The following ART4 variants were observed in gnomAD, a reference collection of about 807,000 sequenced individuals.
ART4 encodes ecto-ADP-ribosyltransferase 4.
Under a neutral mutation model 24.2 loss-of-function variants are expected in ART4, and 14 were observed. The ratio of observed to expected loss-of-function variants is 0.58; its 90% CI spans 0.38 to 0.90. The LOEUF (loss-of-function observed/expected upper bound fraction) is 0.90, where lower values mean the gene tolerates loss of function less well. Among genes scored for constraint, ART4 ranks in the 40% least tolerant of loss-of-function variants. The pLI is 0.00. For synonymous variants in ART4, 145 were observed against 139.9 expected, an observed-to-expected ratio of 1.04 and a Z score of -0.26; for missense variants, 356 against 366.6, an observed-to-expected ratio of 0.97 and a Z score of 0.24.
At position 14,826,484 on chromosome 12, in the gene ART4, G is replaced by A. The variant is rs1184999060; in HGVS notation, c.*2887C>T. ...TTCAATTTCTGTAGTCTGTAGTCTG[G>A]GATCAGGCCCTAAAATTCACATTTC... is the stretch of plus-strand genomic sequence containing the variant. On this transcript the variant is annotated 3_prime_UTR_variant, in exon 3 of 3. Transcript: ENST00000228936. 1 of 152,150 alleles carries A rather than the reference G, an allele frequency of 6.6e-6. No homozygotes were observed. Among genetic ancestry groups the A allele is most frequent in the African/African-American group, 2.4e-5 (1 of 41,412 alleles). The allele number at this position is 152,150 out of a possible 1,614,324, so 9.4% of individuals were successfully genotyped here.
intron 2 of ART4, among the ~76,000 whole-genome samples, chr12:14,837,100 C>T (rs1014904352): frequency 6.6e-6 from 1 of 152,098 alleles, no homozygotes; most frequent in Admixed American, 6.6e-5. Flanking sequence ...ATCCCCCAAA[C>T]AACGGGATGA....
Position 14,826,303 on chromosome 12 carries a change from A to G in ART4, c.*3068T>C, listed in dbSNP as rs559162422. On this transcript the variant is annotated 3_prime_UTR_variant, in exon 3 of 3. Transcript: ENST00000228936. ...TTTTAAGAGAATAGTTTCTGTCTCC[A>G]GAGATTTGATCTGTAAAACAGCAGC... is the stretch of plus-strand genomic sequence containing the variant. 1 of 152,318 alleles carries G rather than the reference A, an allele frequency of 6.6e-6. No homozygotes were observed. Among genetic ancestry groups the G allele is most frequent in the East Asian group, 1.9e-4 (1 of 5,178 alleles). The allele number at this position is 152,318 out of a possible 1,614,324, so 9.4% of individuals were successfully genotyped here.
chr12:14,836,265 C>T (rs900632476), intron 2 of ART4, among the ~76,000 whole-genome samples: 4 of 152,014 alleles, frequency 2.6e-5, no homozygotes, highest in East Asian at 1.9e-4. Context: ...TCAAAGGAGG[C>T]GCTTTCTCTT....
At position 14,830,649 on chromosome 12, in the gene ART4, GTATATATATATATATATA is replaced by G. The variant is rs3084548; in HGVS notation, c.854-1205_854-1188del. Among the ~76,000 whole-genome samples, 164 of 25,952 alleles carry G rather than the reference GTATATATATATATATATA, an allele frequency of 6.3e-3. 1 individual carries two copies. The highest frequency in any genetic ancestry group is 0.011 in the African/African-American group (99 of 8,618). The allele number at this position is 25,952 out of a possible 152,430, so 17.0% of individuals were successfully genotyped here. A position where few individuals can be genotyped will look rare whatever the true frequency, so the allele number is the denominator to read the frequency against. On this transcript the variant is annotated intron_variant, in intron 2 of 2. Transcript: ENST00000228936. ...GTGTGTATGTGTGTACTGTATGTAT[GTATATATATATATATATA>G]TATATATATATATATATATATATAT... is the stretch of plus-strand genomic sequence containing the variant.
rs1863088587 is a variant in ART4, at chr12:14,843,407, C to T, written c.-294G>A. 3.4e-6 allele frequency: 1 copy of T among 294,392 alleles called. No individual in the cohort carries two copies. The highest frequency in any genetic ancestry group is 4.4e-5 in the Admixed American group (1 of 22,482). The allele number at this position is 294,392 out of a possible 1,614,324, so 18.2% of individuals were successfully genotyped here. ...CAATTAAAAAAATAAAATCTCTGAT[C>T]TAGTCTGTATTCAGGGGAATGCCGA... On this transcript the variant is annotated 5_prime_UTR_variant, in exon 1 of 3. Coordinates refer to ENST00000228936, the MANE Select transcript of ART4 (RefSeq NM_021071.4).
At chr12:14,830,649 G>GTGTATA (rs1184732964) in intron 2 of ART4, among the ~76,000 whole-genome samples, 29 of 25,956 alleles carry the variant, frequency 1.1e-3, no homozygotes, top group East Asian at 3.9e-3. Flanking sequence ...CTGTATGTAT[G>GTGTATA]TATATATATA....
chr12:14,832,371 C>G (rs1169042607), intron 2 of ART4, among the ~76,000 whole-genome samples: 6 of 152,008 alleles, frequency 3.9e-5, no homozygotes, highest in Non-Finnish European at 4.4e-5. Context: ...GGGACTGGCT[C>G]TCTCATCTCC....
rs1184732964 is a variant in ART4 at position 14,830,649 on chromosome 12, G to GTGTA, written c.854-1188_854-1187insTACA. ...GTGTGTATGTGTGTACTGTATGTATGTATATATATATATATATATATATAT... is the reference window on the plus strand; with the variant it reads ...GTGTGTATGTGTGTACTGTATGTATGTGTATATATATATATATATATATATATAT... On this transcript the variant is annotated intron_variant, in intron 2 of 2. Transcript: ENST00000228936. 2.7e-3 allele frequency among the ~76,000 whole-genome samples: 69 copies of GTGTA among 25,956 alleles called. 2 individuals are homozygous for GTGTA. The highest frequency in any genetic ancestry group is 0.014 in the East Asian group (7 of 518). 17.0% of individuals were successfully genotyped at this position (25,956 alleles called of 152,430 possible).
At chr12:14,831,232 C>G (rs181565429) in intron 2 of ART4, among the ~76,000 whole-genome samples, 11 of 150,940 alleles carry the variant, frequency 7.3e-5, no homozygotes, top group African/African-American at 2.7e-4. Context: ...GACACCAACT[C>G]TATCAATTTT....
rs1009210488 is a variant in ART4 at position 14,841,124 on chromosome 12, T to A, written c.174A>T (p.Ala58=). ...GGTACTGATCATCAAAAGAACCTGGTGCGAAGTCGAAGTCGATTTTAATTG... is the reference window on the plus strand; with the variant it reads ...GGTACTGATCATCAAAAGAACCTGGAGCGAAGTCGAAGTCGATTTTAATTG... ...EVAIKIDFDF[A]PGSFDDQYQG... is the part of the protein sequence containing the mutation. The change falls in exon 2 of 3, where the codon GCA becomes GCT. Residue 58 remains alanine (A), a synonymous_variant. Coordinates refer to ENST00000228936, the MANE Select transcript of ART4 (RefSeq NM_021071.4). 5.1e-6 allele frequency: 8 copies of A among 1,575,314 alleles called. No individual in the cohort carries two copies. In the African/African-American group the frequency reaches 1.1e-4, roughly 22 times the overall value.
intron 2 of ART4, among the ~76,000 whole-genome samples, chr12:14,839,674 A>G (rs143882553): frequency 6.6e-6 from 1 of 152,352 alleles, no homozygotes; most frequent in Non-Finnish European, 1.5e-5. Context: ...ATCAACTCTT[A>G]TTAGAGCCCA....
chr12:14,842,944 G>A (rs1412690226), intron 1 of ART4, 26 bp downstream of exon 1: 1 of 1,599,158 alleles, frequency 6.3e-7, no homozygotes, highest in Admixed American at 1.7e-5. Flanking sequence ...ATCATAAAGA[G>A]ATCACCCCCT....
chr12:14,839,599 T>A lies in ART4; in HGVS notation c.853+846A>T, dbSNP rs532127214. Among the ~76,000 whole-genome samples, 5 of 152,248 alleles carry A rather than the reference T, an allele frequency of 3.3e-5. No homozygotes were observed. The South Asian group carries it at 1.0e-3, about 32-fold the overall frequency. On this transcript the variant is annotated intron_variant, in intron 2 of 2. Coordinates refer to ENST00000228936, the MANE Select transcript of ART4 (RefSeq NM_021071.4). ...TACAATGACACACTCTCACAATAAC[T>A]AACCTGCTCACATGACAACAACATT...
At chr12:14,834,511 G>A (rs1020879880) in intron 2 of ART4, among the ~76,000 whole-genome samples, 2 of 152,194 alleles carry the variant, frequency 1.3e-5, no homozygotes, top group Non-Finnish European at 2.9e-5. Context: ...AAGTTTACAT[G>A]TAAAACCAGG....
At chr12:14,834,425 A>G (rs1950415889) in intron 2 of ART4, among the ~76,000 whole-genome samples, 1 of 152,242 alleles carries the variant, frequency 6.6e-6, no homozygotes, top group Admixed American at 6.5e-5. Flanking sequence ...AACATTTGTC[A>G]GATACTATTC....
At chr12:14,838,199 G>T (rs1235169062) in intron 2 of ART4, among the ~76,000 whole-genome samples, 2 of 152,214 alleles carry the variant, frequency 1.3e-5, no homozygotes, top group African/African-American at 4.8e-5. Flanking sequence ...CATTTGGGTA[G>T]TTTCGCCATA....
In ART4 at chr12:14,826,060, T is replaced by C. The variant is rs1950358130; in HGVS notation, c.*3311A>G. On this transcript the variant is annotated 3_prime_UTR_variant, in exon 3 of 3. Coordinates refer to ENST00000228936, the MANE Select transcript of ART4 (RefSeq NM_021071.4). Reference sequence around the variant, plus strand: ...TTTACACATATTTGAGCATCCGCCTTATCTTTGGAAGATATCCCAGGCTAA... The same window carrying C: ...TTTACACATATTTGAGCATCCGCCTCATCTTTGGAAGATATCCCAGGCTAA... 6.6e-6 allele frequency: 1 copy of C among 152,242 alleles called. No individual in the cohort carries two copies. Among genetic ancestry groups the C allele is most frequent in the Non-Finnish European group, 1.5e-5 (1 of 68,028 alleles). The allele number at this position is 152,242 out of a possible 1,614,324, so 9.4% of individuals were successfully genotyped here.
At chr12:14,837,091 T>TC (rs1565429791) in intron 2 of ART4, among the ~76,000 whole-genome samples, 1 of 151,974 alleles carries the variant, frequency 6.6e-6, no homozygotes, top group African/African-American at 2.4e-5. Context: ...AGACTGTGGA[T>TC]CCCCCAAACA....
In ART4 at chr12:14,840,918, G is replaced by A. The variant is rs1241753817; in HGVS notation, c.380C>T (p.Thr127Ile). ...TTHAVAILFY[T>I]LNSNVHSDFT... ...GTCAGAATGAACATTGCTGTTCAAT[G>A]TATAAAACAAAATAGCCACAGCGTG... The change falls in exon 2 of 3, where the codon ACA (threonine) becomes ATA (isoleucine). Residue 127 changes from threonine to isoleucine, a missense_variant. Coordinates refer to ENST00000228936, the MANE Select transcript of ART4 (RefSeq NM_021071.4). The A allele has an allele frequency of 1.6e-5, 26 of 1,614,098 alleles. No homozygotes were observed. Among genetic ancestry groups the A allele is most frequent in the Non-Finnish European group, 1.8e-5 (21 of 1,180,046 alleles).
Sources: gnomAD v4.1 joint callset for allele counts (sites outside exome capture counted in the v4.1 genomes callset) on GRCh38, gnomAD v4.1.1 for gene constraint, MANE v1.5 for transcripts, NCBI Gene and HGNC (gene_info 2026-07-23, HGNC 2026-07-21) for gene names.